BCL2: variants seen among roughly 807,000 people sequenced by gnomAD.
BCL2 encodes BCL2 apoptosis regulator.
A neutral mutation model predicts 14.2 loss-of-function variants in BCL2; 1 was observed. The ratio of observed to expected loss-of-function variants is 0.07; its 90% confidence interval spans 0.02 to 0.33. BCL2 has a LOEUF of 0.33. Ranked by LOEUF, BCL2 falls within the 10% of genes least tolerant of loss-of-function variation. The pLI is 0.99. For synonymous variants in BCL2, 151 were observed against 137.2 expected (o/e 1.10, Z -0.70); for missense variants, 247 against 305.9 (o/e 0.81, Z 1.44).
chr18:63,218,408 T>C (rs539141583), intron 2 of BCL2, among the ~76,000 whole-genome samples: 19 of 152,158 alleles, frequency 1.2e-4, no homozygotes, highest in African/African-American at 4.3e-4. Flanking sequence ...AGGGAAAAGC[T>C]CCTTCTTCCC....
chr18:63,190,379 A>T (rs755298801), intron 2 of BCL2, among the ~76,000 whole-genome samples: 14 of 152,242 alleles, frequency 9.2e-5, no homozygotes, highest in Non-Finnish European at 1.9e-4. Flanking sequence ...TTTATTTAAA[A>T]CATCTTTTCT....
intron 2 of BCL2, among the ~76,000 whole-genome samples, chr18:63,138,235 A>G (rs1914262364): frequency 6.6e-6 from 1 of 152,234 alleles, no homozygotes; most frequent in South Asian, 2.1e-4. Flanking sequence ...GGCAGAGCAC[A>G]CGCAAGGAAG....
intron 2 of BCL2, among the ~76,000 whole-genome samples, chr18:63,191,122 C>G (rs1385743696): frequency 6.6e-6 from 1 of 152,160 alleles, no homozygotes; most frequent in Non-Finnish European, 1.5e-5. Flanking sequence ...TTTGGGTTGG[C>G]TCCATGTCTT....
At chr18:63,237,863 T>C (rs542225037) in intron 2 of BCL2, among the ~76,000 whole-genome samples, 2 of 152,308 alleles carry the variant, frequency 1.3e-5, no homozygotes, top group African/African-American at 4.8e-5. Context: ...TAATTGATTT[T>C]AAATAGTTTT....
At chr18:63,182,889 G>C (rs1360819464) in intron 2 of BCL2, among the ~76,000 whole-genome samples, 1 of 152,220 alleles carries the variant, frequency 6.6e-6, no homozygotes, top group Non-Finnish European at 1.5e-5. Context: ...GATTCCTGCT[G>C]TAAGACAGAC....
At chr18:63,165,263 G>T (rs1915014877) in intron 2 of BCL2, among the ~76,000 whole-genome samples, 1 of 152,176 alleles carries the variant, frequency 6.6e-6, no homozygotes, top group African/African-American at 2.4e-5. Flanking sequence ...CAGGAGCTCA[G>T]GGCTGACAAC....
In BCL2 at chr18:63,318,329, G is replaced by T. The variant is rs990629198; in HGVS notation, c.338C>A (p.Ala113Asp). 11 of 1,613,062 alleles carry T rather than the reference G, an allele frequency of 6.8e-6. No individual in the cohort carries two copies. The African/African-American group carries it at 1.3e-4, about 20-fold the overall frequency. Residue 113 changes from alanine to aspartate, a missense_variant, in exon 2 of 3, where the codon GCC becomes GAC. Physicochemically the swap from Ala to Asp is moderately radical, Grantham distance 126 (BLOSUM62 -2). Around this residue, in one of 3 missense-constraint regions of BCL2, gnomAD observed 67 missense variants for 145.7 expected, o/e 0.46. Transcript: ENST00000333681. This position sits in a 1 kb window ranked among gnomAD's most constrained non-coding sequence, Gnocchi z 7.4. ...CAGGTGCAGCTGGCTGGACATCTCG[G>T]CGAAGTCGCGGCGGTAGCGGCGGGA... The part of the protein sequence containing the change: ...DFSRRYRRDF[A>D]EMSSQLHLTP...
chr18:63,248,352 T>C (rs1426375013), intron 2 of BCL2, among the ~76,000 whole-genome samples: 3 of 152,234 alleles, frequency 2.0e-5, no homozygotes, highest in African/African-American at 7.2e-5. Flanking sequence ...TCTGCCAACA[T>C]TGAGATGCCA....
intron 2 of BCL2, among the ~76,000 whole-genome samples, chr18:63,246,928 TAATG>T (rs1396057094): frequency 2.0e-5 from 3 of 152,204 alleles, no homozygotes; most frequent in Non-Finnish European, 2.9e-5. Flanking sequence ...TAGCCTCAAT[TAATG>T]ATCATCTAGG....
At chr18:63,153,665 C>T (rs578208980) in intron 2 of BCL2, among the ~76,000 whole-genome samples, 18 of 152,274 alleles carry the variant, frequency 1.2e-4, no homozygotes, top group African/African-American at 2.9e-4. Context: ...TTGAAATCGT[C>T]AGGGCAGAGC....
At chr18:63,208,606 G>A (rs1188405448) in intron 2 of BCL2, among the ~76,000 whole-genome samples, 1 of 152,112 alleles carries the variant, frequency 6.6e-6, no homozygotes, top group Non-Finnish European at 1.5e-5. Context: ...GCTGGGGGGA[G>A]TGGGGTACAG....
chr18:63,222,393 G>A (rs887748616), intron 2 of BCL2, among the ~76,000 whole-genome samples: 1 of 146,568 alleles, frequency 6.8e-6, no homozygotes, highest in Admixed American at 7.0e-5. Context: ...CAAATAAACT[G>A]CCATGAGGGA....
chr18:63,219,850 T>C (rs1475978879), intron 2 of BCL2, among the ~76,000 whole-genome samples: 6 of 152,306 alleles, frequency 3.9e-5, no homozygotes, highest in East Asian at 1.9e-4. Context: ...ATAATCCAGT[T>C]TGGGGATCAT....
intron 2 of BCL2, among the ~76,000 whole-genome samples, chr18:63,155,010 G>A (rs530819194): frequency 3.9e-5 from 6 of 152,308 alleles, no homozygotes; most frequent in African/African-American, 9.6e-5. Flanking sequence ...AGCCTAGAAC[G>A]TTCAGTTATG....
intron 2 of BCL2, among the ~76,000 whole-genome samples, chr18:63,237,182 G>A (rs142737840): frequency 4.0e-4 from 61 of 152,240 alleles, no homozygotes; most frequent in African/African-American, 1.4e-3. Context: ...GTGGTATGGA[G>A]GCCGAGAGAG....
chr18:63,249,972 C>T (rs2144206518), intron 2 of BCL2, among the ~76,000 whole-genome samples: 1 of 152,260 alleles, frequency 6.6e-6, no homozygotes, highest in East Asian at 1.9e-4. Context: ...CTTGCACATA[C>T]ATCCTCTCAC....
chr18:63,261,926 C>T (rs1240271947), intron 2 of BCL2, among the ~76,000 whole-genome samples: 1 of 152,094 alleles, frequency 6.6e-6, no homozygotes, highest in African/African-American at 2.4e-5. Flanking sequence ...ACCAGAGGCT[C>T]CTGCCACCAT....
At chr18:63,317,849 G>C in intron 2 of BCL2, 1 of 1,401,994 alleles carries the variant, frequency 7.1e-7, no homozygotes, top group Non-Finnish European at 9.2e-7. Context: ...TAGATCTTTG[G>C]ATCTCCACGA....
intron 2 of BCL2, among the ~76,000 whole-genome samples, chr18:63,218,628 C>CT (rs1910275708): frequency 3.2e-3 from 2 of 634 alleles, no homozygotes; most frequent in Admixed American, 0.014. Flanking sequence ...CTCCACTCAT[C>CT]CCATCCACTC....
Sources: allele counts gnomAD v4.1 joint callset (sites outside exome capture counted in the v4.1 genomes callset), GRCh38; gene constraint gnomAD v4.1.1; regional missense constraint gnomAD v4.1.1; non-coding constraint Gnocchi (gnomAD v3.1); transcripts MANE v1.5; gene names NCBI Gene and HGNC (gene_info 2026-07-23, HGNC 2026-07-21).